Variants in RHPN2 observed in about 807,000 individuals in gnomAD.
RHPN2 encodes rhophilin-2.
In RHPN2, 40 loss-of-function variants were observed where a neutral mutation model predicts 79.0. That is an observed-to-expected ratio of 0.51 (90% confidence interval 0.39 to 0.66). The LOEUF is 0.66. Ranked by LOEUF, RHPN2 falls within the 30% of genes least tolerant of loss-of-function variation. RHPN2 has a pLI of 0.00. For missense variants in RHPN2, 686 were observed against 883.5 expected, an observed-to-expected ratio of 0.78 and a Z score of 2.83; for synonymous variants, 285 against 363.5, an observed-to-expected ratio of 0.78 and a Z score of 2.46.
chr19:33,035,187 G>C (rs556006376), intron 2 of RHPN2, among the ~76,000 whole-genome samples: 1 of 151,848 alleles, frequency 6.6e-6, no homozygotes, highest in Non-Finnish European at 1.5e-5. Flanking sequence ...GGCTAGTCTT[G>C]AACTCCTGAC....
chr19:33,054,987 A>C (rs536436150), intron 1 of RHPN2, among the ~76,000 whole-genome samples: 2 of 152,282 alleles, frequency 1.3e-5, no homozygotes, highest in African/African-American at 4.8e-5. Context: ...CTCGGGGCTG[A>C]TGGTGGATAC....
chr19:33,038,357 G>T (rs770906020), intron 2 of RHPN2, among the ~76,000 whole-genome samples: 5 of 151,492 alleles, frequency 3.3e-5, no homozygotes, highest in Admixed American at 2.0e-4. Context: ...AGGCTGAGGC[G>T]GGAGGACAGC....
At chr19:33,042,145 A>C (rs2194022) in intron 2 of RHPN2, among the ~76,000 whole-genome samples, 24,344 of 151,068 alleles carry the variant, frequency 0.16, 2,480 homozygotes, top group East Asian at 0.31. Context: ...GCCAAGATTG[A>C]GCCATTGCAT....
chr19:33,049,210 C>T (rs1972168107), intron 1 of RHPN2, among the ~76,000 whole-genome samples: 1 of 152,174 alleles, frequency 6.6e-6, no homozygotes, highest in Non-Finnish European at 1.5e-5. Context: ...AGAGGTAAAT[C>T]TGGACAAGAC....
chr19:32,980,678 C>G (rs1312334689), intron 14 of RHPN2, among the ~76,000 whole-genome samples: 1 of 152,078 alleles, frequency 6.6e-6, no homozygotes, highest in East Asian at 1.9e-4. Flanking sequence ...GTTCTTAAAA[C>G]AAGGACAAAC....
chr19:32,988,224 CA>C (rs139929872), intron 14 of RHPN2, among the ~76,000 whole-genome samples: 31,317 of 149,008 alleles, frequency 0.21, 4,101 homozygotes, highest in African/African-American at 0.38. Context: ...AAAAAAAAAA[CA>C]AAACAAACAA....
chr19:33,054,948 AC>A (rs1972219894), intron 1 of RHPN2, among the ~76,000 whole-genome samples: 10 of 152,208 alleles, frequency 6.6e-5, no homozygotes, highest in Admixed American at 6.5e-4. Flanking sequence ...CCAGGATCCC[AC>A]AGTTGAAGAC....
chr19:32,994,473 A>C (rs977737729), intron 11 of RHPN2, among the ~76,000 whole-genome samples: 1 of 152,124 alleles, frequency 6.6e-6, no homozygotes, highest in Non-Finnish European at 1.5e-5. Flanking sequence ...CGGTTTAGAC[A>C]AGTAGCAGAA....
intron 3 of RHPN2, 116 bp from the exon 4 acceptor site, chr19:33,021,762 G>T: frequency 1.3e-6 from 1 of 747,068 alleles, no homozygotes; most frequent in Non-Finnish European, 2.4e-6. Flanking sequence ...ACCCCATCCT[G>T]TACTCACCTG....
At chr19:33,016,051 A>AAAAC (rs35684570) in intron 4 of RHPN2, among the ~76,000 whole-genome samples, 74,207 of 150,704 alleles carry the variant, frequency 0.49, 18,876 homozygotes, top group Non-Finnish European at 0.55. Flanking sequence ...CTCTGTTTCA[A>AAAAC]AAACAAACAA....
Position 32,983,071 on chromosome 19 carries a change from C to A in RHPN2, c.1801-2815G>T, listed in dbSNP as rs1971587455. On this transcript the variant is annotated intron_variant, in intron 14 of 14. Coordinates refer to ENST00000254260, the MANE Select transcript of RHPN2 (RefSeq NM_033103.5). Reference sequence around the variant, plus strand: ...CCAGATCTCTACACACACACACACACACACACACACACACACACACACACT... The same window carrying A: ...CCAGATCTCTACACACACACACACAAACACACACACACACACACACACACT... Among the ~76,000 whole-genome samples, 3 of 148,816 alleles carry A rather than the reference C, an allele frequency of 2.0e-5. No individual in the cohort carries two copies. In the South Asian group the frequency reaches 6.4e-4, roughly 32 times the overall value.
rs539039035 is a variant in RHPN2 at position 32,979,171 on chromosome 19, A to G, written c.*825T>C. On this transcript the variant is annotated 3_prime_UTR_variant, in exon 15 of 15. Coordinates refer to ENST00000254260, the MANE Select transcript of RHPN2 (RefSeq NM_033103.5). ...CTCAAACAAAAAAAGGAAGTCAAAT[A>G]GAGCTTTAAACCTGAATCATTTACA... The G allele has an allele frequency of 7.2e-5, 11 of 152,318 alleles. No homozygotes were observed. The South Asian group carries it at 2.3e-3, about 32-fold the overall frequency. 9.4% of individuals were successfully genotyped at this position (152,318 alleles called of 1,614,324 possible).
intron 1 of RHPN2, among the ~76,000 whole-genome samples, chr19:33,050,969 CAAAT>C (rs1972181853): frequency 6.6e-6 from 1 of 152,116 alleles, no homozygotes; most frequent in Non-Finnish European, 1.5e-5. Context: ...AGTACTAACT[CAAAT>C]AAGTTTACCT....
chr19:32,982,450 A>G (rs1204026307), intron 14 of RHPN2, among the ~76,000 whole-genome samples: 1 of 152,110 alleles, frequency 6.6e-6, no homozygotes, highest in Non-Finnish European at 1.5e-5. Flanking sequence ...ATAAACCCTC[A>G]GAGGAATCTG....
intron 1 of RHPN2, among the ~76,000 whole-genome samples, chr19:33,060,651 G>C (rs890551566): frequency 2.6e-5 from 4 of 152,064 alleles, no homozygotes; most frequent in African/African-American, 9.7e-5. Flanking sequence ...TCCCACCTAG[G>C]CCTCCTGAGT....
chr19:32,983,442 T>C (rs1049460841), intron 14 of RHPN2, among the ~76,000 whole-genome samples: 17 of 150,096 alleles, frequency 1.1e-4, no homozygotes, highest in Non-Finnish European at 1.9e-4. Flanking sequence ...AACCAGGAGG[T>C]GGAGCTTGCA....
intron 10 of RHPN2, among the ~76,000 whole-genome samples, chr19:32,997,350 C>T (rs560990591): frequency 2.4e-4 from 37 of 152,118 alleles, no homozygotes; most frequent in African/African-American, 8.0e-4. Flanking sequence ...TAGTGGTTGA[C>T]GACAGATAAC....
intron 1 of RHPN2, among the ~76,000 whole-genome samples, chr19:33,049,063 C>T (rs911612242): frequency 3.3e-5 from 5 of 152,100 alleles, no homozygotes; most frequent in African/African-American, 1.2e-4. Context: ...CTAGATAAGG[C>T]ATAGGAACAC....
In RHPN2 at chr19:33,045,050, C is replaced by CTTT. The variant is rs367927850; in HGVS notation, c.70-689_70-687dup. On this transcript the variant is annotated intron_variant, in intron 1 of 14. Coordinates refer to ENST00000254260, the MANE Select transcript of RHPN2 (RefSeq NM_033103.5). ...CCCCCTCACTGTTACTGAGTATCTA[C>CTTT]TTTTTTTTTTTTTTTTTTTGGAGAT... Among the ~76,000 whole-genome samples, 95 of 127,258 alleles carry CTTT rather than the reference C, an allele frequency of 7.5e-4. 1 individual carries two copies. Among genetic ancestry groups the CTTT allele is most frequent in the East Asian group, 2.8e-3 (12 of 4,352 alleles). 83.5% of individuals were successfully genotyped at this position (127,258 alleles called of 152,430 possible).
Sources: gnomAD v4.1 joint callset for allele counts (sites outside exome capture counted in the v4.1 genomes callset) on GRCh38, gnomAD v4.1.1 for gene constraint, MANE v1.5 for transcripts, NCBI Gene and HGNC (gene_info 2026-07-23, HGNC 2026-07-21) for gene names.